Variants in KCNK10 observed in about 807,000 individuals in gnomAD.
KCNK10 encodes potassium channel subfamily K member 10.
KCNK10 carries 25 observed loss-of-function variants against 47.7 expected under a neutral mutation model. The ratio of observed to expected loss-of-function variants is 0.52; its 90% CI spans 0.38 to 0.73. KCNK10 has a LOEUF of 0.73. Among genes scored for constraint, KCNK10 ranks in the 30% least tolerant of loss-of-function variants. KCNK10 has a pLI of 0.00. For synonymous variants in KCNK10, 303 were observed against 285.6 expected, an observed-to-expected ratio of 1.06 and a Z score of -0.61; for missense variants, 563 against 714.5, an observed-to-expected ratio of 0.79 and a Z score of 2.42.
chr14:88,317,235 T>G (rs948749352), intron 1 of KCNK10, among the ~76,000 whole-genome samples: 1 of 152,226 alleles, frequency 6.6e-6, no homozygotes, highest in African/African-American at 2.4e-5. Context: ...ATAGATTATT[T>G]TCTTTCCAGG....
chr14:88,263,621 A>G, intron 1 of KCNK10, 70 bp from the exon 2 acceptor site: 3 of 1,356,822 alleles, frequency 2.2e-6, no homozygotes, highest in Non-Finnish European at 3.0e-6. Flanking sequence ...CGTGTCAGAA[A>G]CAAAGCACAG....
intron 4 of KCNK10, among the ~76,000 whole-genome samples, chr14:88,198,643 G>A (rs1279554124): frequency 3.9e-5 from 6 of 152,014 alleles, no homozygotes; most frequent in East Asian, 1.9e-4. Context: ...CTCATTTTCC[G>A]CCCCAGTGCT....
intron 1 of KCNK10, among the ~76,000 whole-genome samples, chr14:88,275,975 G>C (rs988812297): frequency 1.3e-5 from 2 of 152,140 alleles, no homozygotes; most frequent in African/African-American, 4.8e-5. Context: ...AGAAGCTAAA[G>C]GACAGGTGCA....
intron 4 of KCNK10, among the ~76,000 whole-genome samples, chr14:88,219,082 G>A (rs1320217896): frequency 6.6e-6 from 1 of 151,744 alleles, no homozygotes; most frequent in East Asian, 1.9e-4. Flanking sequence ...ATCCAGGCAA[G>A]TCACCTCACA....
chr14:88,233,677 G>A (rs767093511), intron 3 of KCNK10, among the ~76,000 whole-genome samples: 1 of 152,168 alleles, frequency 6.6e-6, no homozygotes. Flanking sequence ...CATATCAAAC[G>A]TTCTTCATTA....
At chr14:88,242,716 A>G (rs1006740312) in intron 2 of KCNK10, among the ~76,000 whole-genome samples, 2 of 152,238 alleles carry the variant, frequency 1.3e-5, no homozygotes, top group African/African-American at 4.8e-5. Context: ...GAGGGCAGAC[A>G]GATGGTGAGT....
chr14:88,240,482 A>G (rs1320003840), intron 3 of KCNK10, among the ~76,000 whole-genome samples: 2 of 152,160 alleles, frequency 1.3e-5, no homozygotes, highest in African/African-American at 2.4e-5. Flanking sequence ...TAACCTTTTC[A>G]TTAGGTTTGC....
chr14:88,315,993 T>G (rs1888424584), intron 1 of KCNK10, among the ~76,000 whole-genome samples: 1 of 152,142 alleles, frequency 6.6e-6, no homozygotes, highest in Non-Finnish European at 1.5e-5. Context: ...TTTCTAATCT[T>G]GTTTCCCCAC....
intron 1 of KCNK10, among the ~76,000 whole-genome samples, chr14:88,315,655 T>C (rs17124496): frequency 2.0e-5 from 3 of 152,144 alleles, no homozygotes; most frequent in Non-Finnish European, 2.9e-5. Context: ...CTAGCTTGCA[T>C]GTCAAAATTA....
intron 4 of KCNK10, among the ~76,000 whole-genome samples, chr14:88,227,098 T>C (rs984021753): frequency 2.0e-5 from 3 of 152,222 alleles, no homozygotes; most frequent in African/African-American, 7.2e-5. Context: ...AAACTGAACT[T>C]GTCTCACCTC....
intron 5 of KCNK10, among the ~76,000 whole-genome samples, chr14:88,190,649 T>G (rs1884714456): frequency 6.6e-6 from 1 of 152,004 alleles, no homozygotes; most frequent in Non-Finnish European, 1.5e-5. Flanking sequence ...TAAAAAAAAC[T>G]AAATTTAGTC....
Position 88,183,348 on chromosome 14 carries a change from T to A in KCNK10, c.*2187A>T, listed in dbSNP as rs1200320437. 6.6e-6 allele frequency: 1 copy of A among 152,356 alleles called. No homozygotes were observed. Among genetic ancestry groups the A allele is most frequent in the Non-Finnish European group, 1.5e-5 (1 of 68,048 alleles). 9.4% of individuals were successfully genotyped at this position (152,356 alleles called of 1,614,324 possible). On this transcript the variant is annotated 3_prime_UTR_variant, in exon 7 of 7. Coordinates refer to ENST00000319231, the MANE Select transcript of KCNK10 (RefSeq NM_138317.3). ...GGGAAGCCTCTGCCAGATTTGGCCG[T>A]AGGGCCTGGAATTTTAACACACTGC...
At chr14:88,269,688 C>T (rs1887356078) in intron 1 of KCNK10, among the ~76,000 whole-genome samples, 2 of 152,136 alleles carry the variant, frequency 1.3e-5, no homozygotes, top group South Asian at 2.1e-4. Flanking sequence ...CTGCCAGCAT[C>T]GACCTCCTAA....
At chr14:88,188,233 C>T (rs2139822965) in intron 5 of KCNK10, 124 bp from the exon 6 acceptor site, 1 of 1,241,322 alleles carries the variant, frequency 8.1e-7, no homozygotes, top group Non-Finnish European at 1.2e-6. Context: ...GTTAGGTTTG[C>T]TGTGTACAAG....
chr14:88,241,378 G>A (rs1033144614), intron 2 of KCNK10, among the ~76,000 whole-genome samples: 48 of 152,242 alleles, frequency 3.2e-4, no homozygotes, highest in African/African-American at 1.2e-3. Flanking sequence ...TCCCCACAGG[G>A]TTGTTGTGAG....
At chr14:88,238,973 G>T (rs1886373959) in intron 3 of KCNK10, among the ~76,000 whole-genome samples, 1 of 151,992 alleles carries the variant, frequency 6.6e-6, no homozygotes, top group Non-Finnish European at 1.5e-5. Context: ...TATTGATTAG[G>T]TTCACCATCT....
intron 4 of KCNK10, among the ~76,000 whole-genome samples, chr14:88,224,500 C>T (rs1885921592): frequency 2.0e-5 from 3 of 152,284 alleles, no homozygotes; most frequent in East Asian, 3.9e-4. Flanking sequence ...ATCCAATATC[C>T]CTCAGCAATT....
intron 1 of KCNK10, among the ~76,000 whole-genome samples, chr14:88,307,354 C>CACACACACAA: frequency 6.6e-6 from 1 of 151,782 alleles, no homozygotes. Context: ...CACACACACA[C>CACACACACAA]ACAAATATCT....
chr14:88,310,014 C>G (rs1018897366), intron 1 of KCNK10, among the ~76,000 whole-genome samples: 1 of 151,860 alleles, frequency 6.6e-6, no homozygotes, highest in African/African-American at 2.4e-5. Flanking sequence ...TAGTTCTGTT[C>G]TCTCTTGGTC....
Sources: gnomAD v4.1 joint callset for allele counts (sites outside exome capture counted in the v4.1 genomes callset) on GRCh38, gnomAD v4.1.1 for gene constraint, MANE v1.5 for transcripts, NCBI Gene and HGNC (gene_info 2026-07-23, HGNC 2026-07-21) for gene names.